Variants in LRP1B observed in about 807,000 individuals in gnomAD.
LRP1B encodes the protein LDL receptor related protein 1B, also known as low-density lipoprotein receptor-related protein 1B.
In LRP1B, 217 loss-of-function variants were observed where a neutral mutation model predicts 556.6. That is an observed-to-expected ratio of 0.39 (90% CI 0.35 to 0.44). The LOEUF (loss-of-function observed/expected upper bound fraction) is 0.44. LRP1B is among the 20% of genes least tolerant of loss of function. The pLI is 1.00. For synonymous variants in LRP1B, 2,047 were observed against 1,865.8 expected, an observed-to-expected ratio of 1.10 and a Z score of -2.50; for missense variants, 5,053 against 5,620.8, an observed-to-expected ratio of 0.90 and a Z score of 3.23.
chr2:141,030,158 T>C lies in LRP1B; in HGVS notation c.1790-10056A>G, dbSNP rs539655648. On this transcript the variant is annotated intron_variant, in intron 11 of 90. Coordinates refer to ENST00000389484, the MANE Select transcript of LRP1B (RefSeq NM_018557.3). ...AAAACTGCATAAGAATATTCAGTTA[T>C]GTTTCTGTGGCTAGTACAGTAGTAA... 5.3e-5 allele frequency among the ~76,000 whole-genome samples: 8 copies of C among 152,276 alleles called. No individual in the cohort carries two copies. In the East Asian group the frequency reaches 7.7e-4, roughly 15 times the overall value.
intron 41 of LRP1B, among the ~76,000 whole-genome samples, chr2:140,665,205 C>G (rs1574213021): frequency 6.6e-6 from 1 of 152,122 alleles, no homozygotes; most frequent in East Asian, 1.9e-4. Flanking sequence ...TTGGACATTA[C>G]TTTTATTCAT....
rs72848422 is a variant in LRP1B at position 141,780,775 on chromosome 2, A to G, written c.205+29504T>C. 4.8e-3 allele frequency among the ~76,000 whole-genome samples: 728 copies of G among 152,336 alleles called. 6 individuals are homozygous for G. The highest frequency in any genetic ancestry group is 8.7e-3 in the Non-Finnish European group (589 of 68,028). ...TTCATTTGAATTAGCAAAGAACAAT[A>G]GCACTGCAAATGAAATATCCCTAGA... On this transcript the variant is annotated intron_variant, in intron 2 of 90. Transcript: ENST00000389484.
chr2:141,678,387 T>C lies in LRP1B; in HGVS notation c.205+131892A>G, dbSNP rs866753577. On this transcript the variant is annotated intron_variant, in intron 2 of 90. Coordinates refer to ENST00000389484, the MANE Select transcript of LRP1B (RefSeq NM_018557.3). ...AGGAAAGAAAGAAACAAATAGTATA[T>C]CTGACATAGAGTTGAAACAAAAAAA... is the stretch of plus-strand genomic sequence containing the variant. Among the ~76,000 whole-genome samples, 8 of 152,208 alleles carry C rather than the reference T, an allele frequency of 5.3e-5. No homozygotes were observed. The East Asian group carries it at 5.8e-4, about 11-fold the overall frequency.
At chr2:140,757,965 C>A (rs1688793075) in intron 35 of LRP1B, among the ~76,000 whole-genome samples, 1 of 152,208 alleles carries the variant, frequency 6.6e-6, no homozygotes, top group East Asian at 1.9e-4. Flanking sequence ...TATTAACAGG[C>A]ATTGTTTTCT....
chr2:140,938,600 G>A (rs1278487776), intron 20 of LRP1B, among the ~76,000 whole-genome samples: 1 of 152,084 alleles, frequency 6.6e-6, no homozygotes, highest in African/African-American at 2.4e-5. Context: ...TATAGCTGCA[G>A]AGACAGGTGA....
chr2:140,305,141 T>C (rs1012132091), intron 83 of LRP1B, among the ~76,000 whole-genome samples: 2 of 152,192 alleles, frequency 1.3e-5, no homozygotes, highest in East Asian at 1.9e-4. Flanking sequence ...CAATGTGGGC[T>C]CTTTTTTGGT....
chr2:141,894,737 C>G (rs1699392718), intron 1 of LRP1B, among the ~76,000 whole-genome samples: 1 of 151,442 alleles, frequency 6.6e-6, no homozygotes. Flanking sequence ...TTATAACCAC[C>G]TATATATACC....
At chr2:141,254,711 A>G in intron 3 of LRP1B, 70 bp from the exon 4 acceptor site, 5 of 1,232,648 alleles carry the variant, frequency 4.1e-6, no homozygotes, top group Non-Finnish European at 4.6e-6. Context: ...TTCTCAGTGT[A>G]CAATCCTTAC....
At position 141,229,341 on chromosome 2, in the gene LRP1B, T is replaced by A. The variant is rs376801765; in HGVS notation, c.692A>T (p.Asn231Ile). 1 of 1,612,826 alleles carries A rather than the reference T, an allele frequency of 6.2e-7. No homozygotes were observed. Among genetic ancestry groups the A allele is most frequent in the South Asian group, 1.1e-5 (1 of 90,994 alleles). ...GSKMATLSSV[N>I]GNEIHTLDFI... Reference sequence around the variant, plus strand: ...ATCCAGAGTATGAATTTCATTTCCATTGACTGAGCTTAGAGTTGCCATTTT... The same window carrying A: ...ATCCAGAGTATGAATTTCATTTCCAATGACTGAGCTTAGAGTTGCCATTTT... Residue 231 changes from asparagine (N) to isoleucine (I), a missense_variant, in exon 6 of 91, where the codon AAT becomes ATT. This residue lies in a region of LRP1B where 3,619 missense variants were observed against 3,931.9 expected (regional missense o/e 0.92). Transcript: ENST00000389484.
chr2:142,004,621 G>T (rs1702748787), intron 1 of LRP1B, among the ~76,000 whole-genome samples: 1 of 152,054 alleles, frequency 6.6e-6, no homozygotes, highest in Non-Finnish European at 1.5e-5. Flanking sequence ...TGAGGGGGGT[G>T]GATCACCCGG....
intron 6 of LRP1B, among the ~76,000 whole-genome samples, chr2:141,197,021 T>C (rs1366813968): frequency 6.6e-6 from 1 of 152,152 alleles, no homozygotes; most frequent in Non-Finnish European, 1.5e-5. Flanking sequence ...ACCTCTTGCC[T>C]GCCACCATGT....
At chr2:140,652,756 T>G (rs948481319) in intron 41 of LRP1B, among the ~76,000 whole-genome samples, 1 of 152,046 alleles carries the variant, frequency 6.6e-6, no homozygotes, top group Non-Finnish European at 1.5e-5. Context: ...CATATTTAGT[T>G]GAAAACATGC....
chr2:140,719,033 A>T (rs557207207), intron 35 of LRP1B, among the ~76,000 whole-genome samples: 81 of 152,154 alleles, frequency 5.3e-4, no homozygotes, highest in African/African-American at 1.9e-3. Flanking sequence ...TATCAAACAC[A>T]TTATATATTT....
At chr2:141,772,437 A>G (rs1694929589) in intron 2 of LRP1B, among the ~76,000 whole-genome samples, 1 of 152,150 alleles carries the variant, frequency 6.6e-6, no homozygotes, top group Non-Finnish European at 1.5e-5. Flanking sequence ...GTATTCCCAA[A>G]GTGTGGCATT....
rs1261393421 is a variant in LRP1B, at chr2:140,886,119, A to T, written c.3964+19T>A. 6 of 1,459,738 alleles carry T rather than the reference A, an allele frequency of 4.1e-6. No homozygotes were observed. The highest frequency in any genetic ancestry group is 5.6e-6 in the Non-Finnish European group (6 of 1,078,208). The allele number at this position is 1,459,738 out of a possible 1,614,324, so 90.4% of individuals were successfully genotyped here. On this transcript the variant is annotated intron_variant, in intron 24 of 90. Transcript: ENST00000389484. The stretch of plus-strand genomic sequence containing the variant: ...TAAAAAAGTAATCTAAACATTAAGA[A>T]AAATTATAATATATGTACCTCCACT...
intron 1 of LRP1B, among the ~76,000 whole-genome samples, chr2:142,069,185 G>C (rs1705221989): frequency 6.6e-6 from 1 of 151,586 alleles, no homozygotes; most frequent in African/African-American, 2.4e-5. Context: ...ATGGCTACCA[G>C]TTATAACTCT....
At chr2:142,064,606 A>G (rs1323521333) in intron 1 of LRP1B, among the ~76,000 whole-genome samples, 1 of 151,478 alleles carries the variant, frequency 6.6e-6, no homozygotes, top group Non-Finnish European at 1.5e-5. Context: ...CTTAAATGGT[A>G]TGATATTCTG....
chr2:140,297,212 G>C (rs917507788), intron 84 of LRP1B, among the ~76,000 whole-genome samples: 1 of 152,094 alleles, frequency 6.6e-6, no homozygotes, highest in African/African-American at 2.4e-5. Context: ...TGAGTTTGCG[G>C]CAGCTCTCTT....
intron 3 of LRP1B, among the ~76,000 whole-genome samples, chr2:141,331,552 C>CTTTCTTTCTTTCT (rs1573817128): frequency 8.4e-5 from 12 of 143,056 alleles, no homozygotes; most frequent in Admixed American, 2.1e-4. Flanking sequence ...TTCTTTCTTT[C>CTTTCTTTCTTTCT]TTATTTGGGA....
Sources: allele counts gnomAD v4.1 joint callset (sites outside exome capture counted in the v4.1 genomes callset), GRCh38; gene constraint gnomAD v4.1.1; regional missense constraint gnomAD v4.1.1; transcripts MANE v1.5; gene names NCBI Gene and HGNC (gene_info 2026-07-23, HGNC 2026-07-21).